The following ITPRID1 variants were observed in gnomAD, a reference collection of about 807,000 sequenced individuals.
The protein encoded by ITPRID1 is ITPR interacting domain containing 1.
ITPRID1 carries 96 observed loss-of-function variants against 95.4 expected under a neutral mutation model. That is an observed-to-expected ratio of 1.01 (90% CI 0.85 to 1.19). ITPRID1 has a LOEUF of 1.19. ITPRID1 is among the 50% of genes most tolerant of loss of function. The pLI is 0.00. For missense variants in ITPRID1, 1,339 were observed against 1,252.9 expected, an observed-to-expected ratio of 1.07 and a Z score of -1.04; for synonymous variants, 510 against 453.6, an observed-to-expected ratio of 1.12 and a Z score of -1.58.
At chr7:31,650,816 T>A (rs1790879026) in intron 12 of ITPRID1, among the ~76,000 whole-genome samples, 2 of 152,154 alleles carry the variant, frequency 1.3e-5, no homozygotes, top group Non-Finnish European at 2.9e-5. Context: ...AAACCCTTAC[T>A]CTGGCACTTC....
chr7:31,644,835 T>C (rs74729962), intron 12 of ITPRID1, among the ~76,000 whole-genome samples: 3,434 of 152,272 alleles, frequency 0.023, 46 homozygotes, highest in Middle Eastern at 0.054. Context: ...ACAGAGAATA[T>C]AGGTTGCAGC....
chr7:31,562,687 G>C (rs1273053797), intron 5 of ITPRID1, among the ~76,000 whole-genome samples: 2 of 152,094 alleles, frequency 1.3e-5, no homozygotes, highest in Admixed American at 6.6e-5. Flanking sequence ...CACTCTAACT[G>C]TCCAGGATCA....
chr7:31,620,040 C>A (rs1787679204), intron 10 of ITPRID1, among the ~76,000 whole-genome samples: 6 of 152,150 alleles, frequency 3.9e-5, no homozygotes, highest in Admixed American at 3.9e-4. Context: ...TGCAAGGTGG[C>A]AGCGAGGCTG....
intron 8 of ITPRID1, among the ~76,000 whole-genome samples, chr7:31,576,976 G>C (rs1351333054): frequency 6.6e-6 from 1 of 151,026 alleles, no homozygotes; most frequent in African/African-American, 2.4e-5. Flanking sequence ...TGCTGCATTA[G>C]GTCTCTTCCA....
chr7:31,561,580 C>T (rs541411303), intron 5 of ITPRID1, among the ~76,000 whole-genome samples: 7 of 152,290 alleles, frequency 4.6e-5, no homozygotes, highest in Non-Finnish European at 8.8e-5. Flanking sequence ...GGACAGCTGC[C>T]GTTGCTGCTT....
chr7:31,514,391 AAAT>A (rs1250772618), intron 1 of ITPRID1, among the ~76,000 whole-genome samples: 1 of 152,236 alleles, frequency 6.6e-6, no homozygotes. Flanking sequence ...GAATCAAATA[AAAT>A]AATGTTAAAT....
intron 5 of ITPRID1, among the ~76,000 whole-genome samples, chr7:31,564,893 A>G (rs1349539127): frequency 6.6e-6 from 1 of 152,126 alleles, no homozygotes; most frequent in Non-Finnish European, 1.5e-5. Context: ...AGCAACCCCA[A>G]TCCCTGTGAG....
intron 1 of ITPRID1, among the ~76,000 whole-genome samples, chr7:31,540,145 A>T (rs1006371683): frequency 1.3e-5 from 2 of 152,086 alleles, no homozygotes; most frequent in South Asian, 2.1e-4. Flanking sequence ...GGGGATGGAG[A>T]GTTTTCTGGT....
intron 10 of ITPRID1, among the ~76,000 whole-genome samples, chr7:31,591,240 T>C (rs1455454196): frequency 1.3e-5 from 2 of 150,492 alleles, no homozygotes; most frequent in African/African-American, 2.5e-5. Flanking sequence ...CTTAGTTTAA[T>C]TGGTAGAGAG....
chr7:31,630,372 A>G (rs559196885), intron 10 of ITPRID1, among the ~76,000 whole-genome samples: 2 of 152,218 alleles, frequency 1.3e-5, no homozygotes, highest in Middle Eastern at 3.4e-3. Flanking sequence ...TGAGATAACA[A>G]TTTATGATGC....
intron 10 of ITPRID1, among the ~76,000 whole-genome samples, chr7:31,630,722 A>G (rs1423770013): frequency 1.3e-5 from 2 of 152,202 alleles, no homozygotes; most frequent in Non-Finnish European, 2.9e-5. Context: ...AAATGAACCT[A>G]CAAAGAAAAA....
intron 12 of ITPRID1, among the ~76,000 whole-genome samples, chr7:31,645,903 G>A (rs1790425408): frequency 1.3e-5 from 2 of 152,088 alleles, no homozygotes; most frequent in Admixed American, 6.6e-5. Context: ...AGCTCTAAGA[G>A]AATAAACATT....
chr7:31,643,760 C>CT lies in ITPRID1; in HGVS notation c.2390_2391insT (p.Cys798LeufsTer28). On this transcript the variant is annotated frameshift_variant, in exon 12 of 15. Coordinates refer to ENST00000615280, the MANE Select transcript of ITPRID1 (RefSeq NM_001257967.3). LOFTEE classifies it high-confidence loss of function. ...TTCTCTAGTATCTGCCCAATGGGCA[C>CT]CTGCCATGCTATACCTGCCCACTGC... is the stretch of plus-strand genomic sequence containing the variant. The CT allele has an allele frequency of 6.2e-7, 1 of 1,614,030 alleles. No homozygotes were observed. The highest frequency in any genetic ancestry group is 8.5e-7 in the Non-Finnish European group (1 of 1,179,894).
At chr7:31,621,606 G>C (rs986265921) in intron 10 of ITPRID1, among the ~76,000 whole-genome samples, 103 of 148,464 alleles carry the variant, frequency 6.9e-4, no homozygotes, top group African/African-American at 2.5e-3. Context: ...CCTGAAGGAA[G>C]CACTAAACAT....
At chr7:31,519,618 C>CCA (rs1783164406) in intron 1 of ITPRID1, among the ~76,000 whole-genome samples, 1 of 31,690 alleles carries the variant, frequency 3.2e-5, no homozygotes, top group Non-Finnish European at 6.1e-5. Context: ...CTCTCTCTCT[C>CCA]TCTATATATA....
In ITPRID1 at chr7:31,620,617, C is replaced by T. The variant is rs1389341028; in HGVS notation, c.1229-21559C>T. On this transcript the variant is annotated intron_variant, in intron 10 of 14. Coordinates refer to ENST00000615280, the MANE Select transcript of ITPRID1 (RefSeq NM_001257967.3). ...CACCAAAAACCCATCTGTACATCACCATCATCAAAGACCAAAAGTAGATAA... is the reference window on the plus strand; with the variant it reads ...CACCAAAAACCCATCTGTACATCACTATCATCAAAGACCAAAAGTAGATAA... 2.7e-5 allele frequency among the ~76,000 whole-genome samples: 4 copies of T among 150,228 alleles called. No homozygotes were observed. The South Asian group carries it at 8.4e-4, about 32-fold the overall frequency.
At chr7:31,634,527 C>G (rs561477584) in intron 10 of ITPRID1, among the ~76,000 whole-genome samples, 9 of 152,272 alleles carry the variant, frequency 5.9e-5, no homozygotes, top group African/African-American at 1.4e-4. Context: ...CACACAGCCT[C>G]TAAGTAGGAG....
At chr7:31,637,788 G>A (rs934701559) in intron 10 of ITPRID1, among the ~76,000 whole-genome samples, 1 of 152,184 alleles carries the variant, frequency 6.6e-6, no homozygotes, top group Non-Finnish European at 1.5e-5. Flanking sequence ...TGCTTTTAGT[G>A]TTTTAGACAT....
chr7:31,560,714 G>T (rs1784595593), intron 5 of ITPRID1, among the ~76,000 whole-genome samples: 1 of 152,222 alleles, frequency 6.6e-6, no homozygotes. Flanking sequence ...AAAAACAATA[G>T]AAGGATAGGG....
Sources: allele counts gnomAD v4.1 joint callset (sites outside exome capture counted in the v4.1 genomes callset), GRCh38; gene constraint gnomAD v4.1.1; transcripts MANE v1.5; gene names NCBI Gene and HGNC (gene_info 2026-07-23, HGNC 2026-07-21).